Variants in GRM7 observed in about 807,000 individuals in gnomAD.
GRM7 encodes glutamate metabotropic receptor 7.
In GRM7, 35 loss-of-function variants were observed where a neutral mutation model predicts 84.5. The ratio of observed to expected loss-of-function variants is 0.41; its 90% CI spans 0.32 to 0.55. The LOEUF (loss-of-function observed/expected upper bound fraction) is 0.55, where lower values mean the gene tolerates loss of function less well. Among genes scored for constraint, GRM7 ranks in the 20% least tolerant of loss-of-function variants. The probability of loss-of-function intolerance (pLI) is 0.19; values close to 1 mark genes in which losing one functional copy is unlikely to be tolerated. For missense variants in GRM7, 1,003 were observed against 1,194.6 expected (o/e 0.84, Z 2.36); for synonymous variants, 487 against 455.1 (o/e 1.07, Z -0.89).
At chr3:7,529,369 A>G (rs1486630223) in intron 7 of GRM7, among the ~76,000 whole-genome samples, 1 of 152,242 alleles carries the variant, frequency 6.6e-6, no homozygotes, top group East Asian at 1.9e-4. Flanking sequence ...GAAAGAATCC[A>G]TCTATTCACC....
chr3:7,085,380 G>A (rs1049509807), intron 1 of GRM7, among the ~76,000 whole-genome samples: 1 of 152,050 alleles, frequency 6.6e-6, no homozygotes, highest in Non-Finnish European at 1.5e-5. Context: ...ATAACAATAT[G>A]CCTGAATTTA....
intron 1 of GRM7, among the ~76,000 whole-genome samples, chr3:6,910,536 A>G (rs574990979): frequency 6.6e-6 from 1 of 152,262 alleles, no homozygotes; most frequent in Middle Eastern, 3.4e-3. Flanking sequence ...TTTGGCCAGA[A>G]TGCAAAATCA....
intron 4 of GRM7, among the ~76,000 whole-genome samples, chr3:7,356,629 T>C (rs1693415379): frequency 6.6e-6 from 1 of 152,072 alleles, no homozygotes; most frequent in Admixed American, 6.6e-5. Context: ...AATAATCAAG[T>C]AGATAGGCTG....
chr3:7,539,506 T>C (rs1325919574), intron 7 of GRM7, among the ~76,000 whole-genome samples: 1 of 151,422 alleles, frequency 6.6e-6, no homozygotes, highest in Non-Finnish European at 1.5e-5. Flanking sequence ...TGAAACCCCG[T>C]CTCTACTAAA....
rs1383072400 is a variant in GRM7 at position 7,715,720 on chromosome 3, AC to A, written c.2699-24633del. Among the ~76,000 whole-genome samples, 4 of 152,226 alleles carry A rather than the reference AC, an allele frequency of 2.6e-5. No homozygotes were observed. The East Asian group carries it at 7.7e-4, about 29-fold the overall frequency. Reference sequence around the variant, plus strand: ...AGTAAATCACAGAACAGGGATTCAGACCCCGCACACTTGGGTTCCTGAATCT... The same window carrying A: ...AGTAAATCACAGAACAGGGATTCAGACCCGCACACTTGGGTTCCTGAATCT... On this transcript the variant is annotated intron_variant, in intron 9 of 9. Transcript: ENST00000357716.
At chr3:6,949,140 A>C (rs929004183) in intron 1 of GRM7, among the ~76,000 whole-genome samples, 74 of 152,226 alleles carry the variant, frequency 4.9e-4, no homozygotes, top group Middle Eastern at 3.4e-3. Flanking sequence ...GATGCAGTTT[A>C]TTCCTAGCCT....
chr3:7,338,388 T>TACTTTACAGGGTACACTAC (rs1166281324), intron 4 of GRM7, among the ~76,000 whole-genome samples: 1 of 151,966 alleles, frequency 6.6e-6, no homozygotes, highest in Admixed American at 6.6e-5. Context: ...ACACATTGGG[T>TACTTTACAGGGTACACTAC]GCAGTGTACA....
chr3:7,645,546 TAAAAAAAA>T (rs71043684), intron 8 of GRM7, among the ~76,000 whole-genome samples: 3 of 87,790 alleles, frequency 3.4e-5, no homozygotes, highest in African/African-American at 4.6e-5. Flanking sequence ...GACTCCATCT[TAAAAAAAA>T]AAAAAAAAAA....
chr3:7,618,001 T>C (rs577653666), intron 8 of GRM7, among the ~76,000 whole-genome samples: 19 of 152,138 alleles, frequency 1.2e-4, no homozygotes, highest in Non-Finnish European at 2.6e-4. Flanking sequence ...CTCTTGTGCC[T>C]TAGAGTTTTC....
At chr3:6,940,619 C>A (rs540511710) in intron 1 of GRM7, among the ~76,000 whole-genome samples, 25 of 152,242 alleles carry the variant, frequency 1.6e-4, no homozygotes, top group African/African-American at 5.3e-4. Flanking sequence ...TTCTTTCACA[C>A]ACATAGGCAA....
intron 7 of GRM7, among the ~76,000 whole-genome samples, chr3:7,511,993 A>G (rs149405351): frequency 4.6e-5 from 7 of 152,208 alleles, no homozygotes; most frequent in African/African-American, 1.7e-4. Flanking sequence ...ATAATAAAAA[A>G]TATTAGCCAG....
At chr3:7,698,479 A>G (rs766229036) in intron 9 of GRM7, among the ~76,000 whole-genome samples, 8 of 152,246 alleles carry the variant, frequency 5.3e-5, no homozygotes, top group Non-Finnish European at 1.0e-4. Context: ...CACACAGCTG[A>G]TAAGTAGAGG....
chr3:7,177,495 TAAGAA>T (rs1438594224), intron 2 of GRM7, among the ~76,000 whole-genome samples: 1 of 125,300 alleles, frequency 8.0e-6, no homozygotes, highest in East Asian at 2.4e-4. Flanking sequence ...ATAATAAACT[TAAGAA>T]GAGAAGAAGG....
At chr3:6,900,397 G>A (rs894852130) in intron 1 of GRM7, among the ~76,000 whole-genome samples, 1 of 152,100 alleles carries the variant, frequency 6.6e-6, no homozygotes, top group Non-Finnish European at 1.5e-5. Context: ...AATAATACAA[G>A]CTATTCTTTG....
At chr3:7,225,588 A>G (rs897379836) in intron 2 of GRM7, among the ~76,000 whole-genome samples, 11 of 148,786 alleles carry the variant, frequency 7.4e-5, no homozygotes, top group Admixed American at 6.7e-4. Flanking sequence ...AAATTAATAT[A>G]TACTTTCTAA....
chr3:7,354,321 T>G (rs940087048), intron 4 of GRM7, among the ~76,000 whole-genome samples: 2 of 151,072 alleles, frequency 1.3e-5, no homozygotes, highest in African/African-American at 4.9e-5. Context: ...GCTTATGGGG[T>G]TCAGGTGATT....
At chr3:7,150,623 T>C (rs547407985) in intron 2 of GRM7, among the ~76,000 whole-genome samples, 11 of 152,368 alleles carry the variant, frequency 7.2e-5, no homozygotes, top group African/African-American at 2.4e-4. Context: ...AAAACAGTTA[T>C]ATTTGCATAA....
At chr3:7,213,732 T>G (rs887131736) in intron 2 of GRM7, among the ~76,000 whole-genome samples, 1 of 152,118 alleles carries the variant, frequency 6.6e-6, no homozygotes, top group African/African-American at 2.4e-5. Flanking sequence ...CTGCCCTGCC[T>G]TGAGGCACTT....
At chr3:7,281,825 A>T (rs1699259308) in intron 2 of GRM7, among the ~76,000 whole-genome samples, 1 of 152,208 alleles carries the variant, frequency 6.6e-6, no homozygotes, top group South Asian at 2.1e-4. Flanking sequence ...TCACGCCTGT[A>T]ATCCTAGTAC....
Sources: allele counts gnomAD v4.1 joint callset (sites outside exome capture counted in the v4.1 genomes callset), GRCh38; gene constraint gnomAD v4.1.1; transcripts MANE v1.5; gene names NCBI Gene and HGNC (gene_info 2026-07-23, HGNC 2026-07-21).